The following KICS2 variants were observed in gnomAD, a reference collection of about 807,000 sequenced individuals.
The protein encoded by KICS2 is KICSTOR complex protein C12orf66.
Under a neutral mutation model 31.4 loss-of-function variants are expected in KICS2, and 13 were observed. That is an observed-to-expected ratio of 0.41 (90% CI 0.27 to 0.66). The LOEUF (loss-of-function observed/expected upper bound fraction) is 0.66, where lower values mean the gene tolerates loss of function less well. KICS2 is among the 30% of genes least tolerant of loss of function. The probability of loss-of-function intolerance (pLI) is 0.28; values close to 1 mark genes in which losing one functional copy is unlikely to be tolerated. For missense variants in KICS2, 455 were observed against 545.4 expected, an observed-to-expected ratio of 0.83 and a Z score of 1.65; for synonymous variants, 209 against 214.8, an observed-to-expected ratio of 0.97 and a Z score of 0.24.
At chr12:64,188,394 C>A (rs2037355979), downstream of KICS2, among the ~76,000 whole-genome samples, 1 of 152,064 alleles carries the variant, frequency 6.6e-6, no homozygotes, top group East Asian at 1.9e-4. Flanking sequence ...CATGGTGGCG[C>A]ATGCCTGTAA....
At chr12:64,202,337 G>A (rs1372230959) in intron 2 of KICS2, among the ~76,000 whole-genome samples, 2 of 152,034 alleles carry the variant, frequency 1.3e-5, no homozygotes, top group Admixed American at 6.6e-5. Flanking sequence ...CCTGAGCCCA[G>A]CAAGGCTGAG....
At chr12:64,221,825 T>C (rs1209454380) in intron 1 of KICS2, 178 bp downstream of exon 1, 13 of 712,150 alleles carry the variant, frequency 1.8e-5, no homozygotes, top group Non-Finnish European at 2.5e-5. Flanking sequence ...CGCAGGCCGG[T>C]GGGCGGGGCT....
chr12:64,192,687 A>T lies in KICS2; in HGVS notation c.*1155T>A. The T allele has an allele frequency of 1.0e-6, 1 of 985,462 alleles. No homozygotes were observed. The highest frequency in any genetic ancestry group is 1.2e-6 in the Non-Finnish European group (1 of 829,924). The allele number at this position is 985,462 out of a possible 1,614,324, so 61.0% of individuals were successfully genotyped here. Reference sequence around the variant, plus strand: ...TTTTGAATCAATAATCTAGAAGTGAAGGTCTCCACAGCCCATTATGCCTTC... The same window carrying T: ...TTTTGAATCAATAATCTAGAAGTGATGGTCTCCACAGCCCATTATGCCTTC... On this transcript the variant is annotated 3_prime_UTR_variant, in exon 3 of 3. Coordinates refer to ENST00000398055, the MANE Select transcript of KICS2 (RefSeq NM_152440.5).
intron 2 of KICS2, among the ~76,000 whole-genome samples, chr12:64,209,989 A>G (rs1479793989): frequency 1.3e-5 from 2 of 152,228 alleles, no homozygotes; most frequent in Non-Finnish European, 2.9e-5. Flanking sequence ...CACTGAAACC[A>G]TAAAGGAGAA....
At chr12:64,221,747 G>A in intron 1 of KICS2, 3 of 578,650 alleles carry the variant, frequency 5.2e-6, no homozygotes, top group Non-Finnish European at 9.2e-6. Context: ...GAGGCAAAAG[G>A]GCAAACCCTT....
chr12:64,188,262 C>T (rs946628953), downstream of KICS2, among the ~76,000 whole-genome samples: 6 of 152,122 alleles, frequency 3.9e-5, no homozygotes, highest in Non-Finnish European at 5.9e-5. Flanking sequence ...CAGTGGCTCA[C>T]GTCTGTAATC....
intron 2 of KICS2, among the ~76,000 whole-genome samples, chr12:64,203,085 C>T (rs2037505804): frequency 6.6e-6 from 1 of 152,150 alleles, no homozygotes; most frequent in South Asian, 2.1e-4. Context: ...AACAGACATA[C>T]AGCCACCCTA....
At chr12:64,216,131 T>C (rs2037626839) in intron 1 of KICS2, 168 bp from the exon 2 acceptor site, 1 of 175,604 alleles carries the variant, frequency 5.7e-6, no homozygotes, top group African/African-American at 2.5e-5. Flanking sequence ...ATGATAATCA[T>C]AAATACTTTA....
intron 2 of KICS2, among the ~76,000 whole-genome samples, chr12:64,214,246 G>A (rs1360494325): frequency 1.3e-5 from 2 of 152,184 alleles, no homozygotes; most frequent in African/African-American, 2.4e-5. Flanking sequence ...TGTTCCAGGT[G>A]CTAAAAGCAC....
At chr12:64,215,123 T>C (rs2037615771) in intron 2 of KICS2, among the ~76,000 whole-genome samples, 1 of 148,518 alleles carries the variant, frequency 6.7e-6, no homozygotes, top group African/African-American at 2.5e-5. Flanking sequence ...CCGGCCAATA[T>C]GGTGAGACCC....
In KICS2 at chr12:64,215,944, G is replaced by A. The variant is rs760911051; in HGVS notation, c.255C>T (p.Ser85=). The A allele has an allele frequency of 6.3e-5, 102 of 1,610,750 alleles. No homozygotes were observed. The highest frequency in any genetic ancestry group is 1.2e-5 in the Non-Finnish European group (14 of 1,177,492). Reference sequence around the variant, plus strand: ...AGATGGTGCGGATGGAATCCTTCCTGCTGAAGAAAGACTGGCCCCCTGGTA... The same window carrying A: ...AGATGGTGCGGATGGAATCCTTCCTACTGAAGAAAGACTGGCCCCCTGGTA... ...GQKLGGQSFF[S]RKDSIRTIYT... is the part of the protein sequence containing the mutation. Residue 85 remains serine, a synonymous_variant, in exon 2 of 3, where the codon AGC becomes AGT. Coordinates refer to ENST00000398055, the MANE Select transcript of KICS2 (RefSeq NM_152440.5).
intron 2 of KICS2, among the ~76,000 whole-genome samples, chr12:64,206,552 T>C (rs1382090680): frequency 6.6e-6 from 1 of 152,224 alleles, no homozygotes; most frequent in African/African-American, 2.4e-5. Context: ...CAATTCCTTT[T>C]GGTCAAAAGA....
Position 64,222,172 on chromosome 12 carries a change from G to A in KICS2, c.66C>T (p.Phe22=), listed in dbSNP as rs1242294544. 4 of 1,614,136 alleles carry A rather than the reference G, an allele frequency of 2.5e-6. 1 individual carries two copies. Among genetic ancestry groups the A allele is most frequent in the Admixed American group, 3.3e-5 (2 of 60,032 alleles). ...PVEQAVLETF[F]SHLGIFSYDK... is the part of the protein sequence containing the mutation. ...CGTAAGAGAAGATACCCAGGTGAGA[G>A]AAGAACGTCTCCAGCACCGCCTGTT... The change falls in exon 1 of 3, where the codon TTC becomes TTT. Residue 22 remains phenylalanine (F), a synonymous_variant. Transcript: ENST00000398055.
chr12:64,195,770 G>A (rs1301062592), intron 2 of KICS2, among the ~76,000 whole-genome samples: 4 of 152,272 alleles, frequency 2.6e-5, no homozygotes, highest in African/African-American at 7.2e-5. Context: ...GAAGCAGGGC[G>A]AGGCATTGCC....
At chr12:64,215,453 T>C (rs191129898) in intron 2 of KICS2, among the ~76,000 whole-genome samples, 42 of 152,346 alleles carry the variant, frequency 2.8e-4, no homozygotes, top group African/African-American at 8.9e-4. Context: ...GATTACTTCA[T>C]TCTCGGTCTT....
At chr12:64,186,648 G>C (rs946190406), downstream of KICS2, 2 of 152,156 alleles carry the variant, frequency 1.3e-5, no homozygotes, top group African/African-American at 4.8e-5. Flanking sequence ...ATCAATCAGA[G>C]TCTCATGGTT....
intron 1 of KICS2, among the ~76,000 whole-genome samples, chr12:64,220,826 T>C (rs979211240): frequency 6.6e-6 from 1 of 152,178 alleles, no homozygotes; most frequent in Non-Finnish European, 1.5e-5. Flanking sequence ...ACTGCATATA[T>C]AATTTGCTAA....
Position 64,194,164 on chromosome 12 carries a change from G to T in KICS2, c.1016C>A (p.Ala339Asp). The T allele has an allele frequency of 1.9e-6, 3 of 1,614,134 alleles. No homozygotes were observed. The highest frequency in any genetic ancestry group is 1.1e-5 in the South Asian group (1 of 91,074). ...TGGATACTGGTCCACACCCTTGGGG[G>T]CCTCTCTGTAGGAATGGGGGTGGTG... is the stretch of plus-strand genomic sequence containing the variant. ...GYHHPHSYREAPKGVDQYPAV... is the reference protein window; with the variant it reads ...GYHHPHSYREDPKGVDQYPAV... Residue 339 changes from alanine (A) to aspartate (D), a missense_variant, in exon 3 of 3, where the codon GCC becomes GAC. Transcript: ENST00000398055.
chr12:64,212,856 G>A (rs189041525), intron 2 of KICS2, among the ~76,000 whole-genome samples: 15 of 152,190 alleles, frequency 9.9e-5, no homozygotes, highest in Admixed American at 8.5e-4. Context: ...TTGGGAGGCT[G>A]AGGTGGGTGG....
Sources: allele counts gnomAD v4.1 joint callset (sites outside exome capture counted in the v4.1 genomes callset), GRCh38; gene constraint gnomAD v4.1.1; transcripts MANE v1.5; gene names NCBI Gene and HGNC (gene_info 2026-07-23, HGNC 2026-07-21).